TMEM164: variants seen among roughly 807,000 people sequenced by gnomAD.
TMEM164 encodes the protein RP13-360B22.2.
Under a neutral mutation model 18.8 loss-of-function variants are expected in TMEM164, and 4 were observed. The observed-to-expected ratio is 0.21, with a 90% CI of 0.10 to 0.49. The LOEUF is 0.49. Among genes scored for constraint, TMEM164 ranks in the 20% least tolerant of loss-of-function variants. The pLI is 0.98. For missense variants in TMEM164, 108 were observed against 239.9 expected (o/e 0.45, Z 3.63); for synonymous variants, 86 against 101.7 (o/e 0.85, Z 0.93).
chrX:110,067,156 A>ACG (rs1936381951), intron 2 of TMEM164, among the ~76,000 whole-genome samples, 191 bp from the exon 3 acceptor site: 1 of 67,844 alleles, frequency 1.5e-5, no homozygotes, highest in Non-Finnish European at 3.9e-5. Flanking sequence ...ATGTGTGCGC[A>ACG]CACACACACA....
chrX:110,036,341 G>A (rs753992281), intron 2 of TMEM164, among the ~76,000 whole-genome samples: 7 of 111,833 alleles, frequency 6.3e-5, no homozygotes, highest in Non-Finnish European at 1.3e-4. Flanking sequence ...CCTCCTACTC[G>A]ATATGATCTC....
At chrX:110,017,458 C>CTCTA (rs1933481278) in intron 2 of TMEM164, among the ~76,000 whole-genome samples, 1 of 84,630 alleles carries the variant, frequency 1.2e-5, no homozygotes, top group African/African-American at 4.3e-5. Context: ...CTCTCTCTCT[C>CTCTA]TCTCTTTCTT....
chrX:110,014,591 G>C (rs1160117426), intron 2 of TMEM164, among the ~76,000 whole-genome samples: 2 of 110,240 alleles, frequency 1.8e-5, no homozygotes, highest in Non-Finnish European at 3.8e-5. Context: ...AATTATTATT[G>C]CTCTTTATCA....
chrX:110,107,698 C>A (rs920801051), intron 3 of TMEM164, among the ~76,000 whole-genome samples: 3 of 95,307 alleles, frequency 3.1e-5, no homozygotes, highest in Non-Finnish European at 6.2e-5. Context: ...CTTGCTCTGT[C>A]GCCCAGGCTG....
chrX:110,008,494 CA>C (rs767138936), intron 2 of TMEM164, among the ~76,000 whole-genome samples: 35 of 111,456 alleles, frequency 3.1e-4, no homozygotes, highest in African/African-American at 1.0e-3. Context: ...GTCATCAGTC[CA>C]GGGGGATACA....
At chrX:110,067,764 G>T (rs1383163717) in intron 3 of TMEM164, among the ~76,000 whole-genome samples, 2 of 112,325 alleles carry the variant, frequency 1.8e-5, no homozygotes, top group African/African-American at 3.2e-5. Context: ...TGAGCATATG[G>T]TTCTTCACAT....
chrX:110,070,596 G>T lies in TMEM164; in HGVS notation c.440+3200G>T, dbSNP rs1288988927. Reference sequence around the variant, plus strand: ...TGCATTTATTCCTCAAGAATTAACAGCTTTTCTGCCAGGTGCAGTGACTCA... The same window carrying T: ...TGCATTTATTCCTCAAGAATTAACATCTTTTCTGCCAGGTGCAGTGACTCA... On this transcript the variant is annotated intron_variant, in intron 3 of 6. Transcript: ENST00000372068. Among the ~76,000 whole-genome samples the T allele has an allele frequency of 1.2e-4, 13 of 109,973 alleles. No homozygotes were observed. In the Admixed American group the frequency reaches 1.3e-3, roughly 11 times the overall value.
chrX:110,098,127 T>C (rs1262120153), intron 3 of TMEM164, among the ~76,000 whole-genome samples: 1 of 112,520 alleles, frequency 8.9e-6, no homozygotes, highest in East Asian at 2.8e-4. Context: ...AGTTTTGTCC[T>C]TTGGAGAATG....
At chrX:110,179,053 T>C (rs1446038101), downstream of TMEM164, among the ~76,000 whole-genome samples, 1 of 109,185 alleles carries the variant, frequency 9.2e-6, no homozygotes, top group Admixed American at 9.6e-5. Flanking sequence ...GGCCCACGAG[T>C]GTAGAAAGCA....
At chrX:110,142,560 A>C (rs188842902) in intron 4 of TMEM164, among the ~76,000 whole-genome samples, 213 of 113,115 alleles carry the variant, frequency 1.9e-3, no homozygotes, top group African/African-American at 5.4e-3. Flanking sequence ...AATTGGAACA[A>C]TACAGTTCTT....
At chrX:110,008,318 C>G (rs144245823) in intron 2 of TMEM164, among the ~76,000 whole-genome samples, 4,583 of 111,822 alleles carry the variant, frequency 0.041, 246 homozygotes, top group African/African-American at 0.14. Flanking sequence ...AGAAACTTGG[C>G]TTTCTGTTTT....
At chrX:110,021,917 G>A (rs756781875) in intron 2 of TMEM164, among the ~76,000 whole-genome samples, 5 of 111,930 alleles carry the variant, frequency 4.5e-5, no homozygotes, top group African/African-American at 1.3e-4. Context: ...TAAGTCATCT[G>A]GACCTGCTAA....
At chrX:110,178,272 T>A (rs1425299545), downstream of TMEM164, among the ~76,000 whole-genome samples, 1 of 112,443 alleles carries the variant, frequency 8.9e-6, no homozygotes, top group Non-Finnish European at 1.9e-5. Context: ...TGACTGTGAT[T>A]GGCCCTTTTT....
intron 3 of TMEM164, among the ~76,000 whole-genome samples, chrX:110,090,123 GA>G (rs1184364237): frequency 4.6e-5 from 5 of 107,737 alleles, no homozygotes; most frequent in Middle Eastern, 9.4e-3. Flanking sequence ...ATTTCACAGG[GA>G]AAAAAAAAAT....
At chrX:110,171,327 C>A in intron 5 of TMEM164, 93 bp from the exon 6 acceptor site, 1 of 595,681 alleles carries the variant, frequency 1.7e-6, no homozygotes, top group Admixed American at 3.0e-5. Flanking sequence ...AGTCATCAGG[C>A]AGCAGCTGTG....
intron 5 of TMEM164, among the ~76,000 whole-genome samples, chrX:110,151,676 G>A (rs774263363): frequency 7.2e-5 from 8 of 111,304 alleles, no homozygotes; most frequent in African/African-American, 9.8e-5. Context: ...CCAGGTACTC[G>A]GGAAGCTGAG....
At chrX:110,066,595 C>CT (rs1213686581) in intron 2 of TMEM164, among the ~76,000 whole-genome samples, 3 of 112,167 alleles carry the variant, frequency 2.7e-5, no homozygotes, top group African/African-American at 9.7e-5. Context: ...CTGCATAGGA[C>CT]TTTTTTGTTC....
intron 2 of TMEM164, among the ~76,000 whole-genome samples, chrX:110,005,908 C>T (rs183745448): frequency 8.1e-5 from 9 of 111,296 alleles, no homozygotes; most frequent in Admixed American, 7.6e-4. Flanking sequence ...TCTAGAAGGT[C>T]GACAAAGGAC....
At chrX:110,016,219 T>C (rs1267348818) in intron 2 of TMEM164, among the ~76,000 whole-genome samples, 1 of 112,981 alleles carries the variant, frequency 8.9e-6, no homozygotes, top group Non-Finnish European at 1.9e-5. Flanking sequence ...GCAAAGTACA[T>C]TGTGGTCTGC....
Sources: gnomAD v4.1 joint callset for allele counts (sites outside exome capture counted in the v4.1 genomes callset) on GRCh38, gnomAD v4.1.1 for gene constraint, MANE v1.5 for transcripts, NCBI Gene and HGNC (gene_info 2026-07-23, HGNC 2026-07-21) for gene names.